The following BUB1 variants were observed in gnomAD, a reference collection of about 807,000 sequenced individuals.
BUB1 encodes the protein mitotic checkpoint serine/threonine-protein kinase BUB1.
In BUB1, 84 loss-of-function variants were observed where a neutral mutation model predicts 135.2. The ratio of observed to expected loss-of-function variants is 0.62; its 90% CI spans 0.52 to 0.74. The LOEUF is 0.74. Ranked by LOEUF, BUB1 falls within the 30% of genes least tolerant of loss-of-function variation. The pLI, the probability that BUB1 is intolerant of heterozygous loss-of-function variation, is 0.00. For synonymous variants in BUB1, 403 were observed against 434.4 expected (o/e 0.93, Z 0.90); for missense variants, 1,162 against 1,288.3 (o/e 0.90, Z 1.50).
chr2:110,664,064 A>G (rs1374539345), intron 9 of BUB1, among the ~76,000 whole-genome samples: 2 of 151,696 alleles, frequency 1.3e-5, no homozygotes, highest in Non-Finnish European at 2.9e-5. Flanking sequence ...TAAGATGGCC[A>G]TAAAAATTAA....
intron 1 of BUB1, 117 bp from the exon 2 acceptor site, chr2:110,674,482 T>A (rs1217967455): frequency 2.5e-6 from 2 of 812,252 alleles, no homozygotes; most frequent in Non-Finnish European, 4.0e-6. Flanking sequence ...TAAATATCAA[T>A]CATTTTATAT....
Position 110,650,561 on chromosome 2 carries a change from T to C in BUB1, c.2188A>G (p.Thr730Ala). The change falls in exon 18 of 25, where the codon ACT becomes GCT. Residue 730 changes from threonine (T) to alanine (A), a missense_variant. By Grantham distance (58) the Thr-to-Ala change is moderately conservative. Transcript: ENST00000302759. ...AEWMQMSSLGTVDAPNFIVGN... is the reference protein window; with the variant it reads ...AEWMQMSSLGAVDAPNFIVGN... Reference sequence around the variant, plus strand: ...GTGTTCGTACTTGGAGCATCAACAGTCCCAAGTGAACTCATCTGCATCCAT... The same window carrying C: ...GTGTTCGTACTTGGAGCATCAACAGCCCCAAGTGAACTCATCTGCATCCAT... 1 of 1,613,484 alleles carries C rather than the reference T, an allele frequency of 6.2e-7. No homozygotes were observed. The highest frequency in any genetic ancestry group is 1.1e-5 in the South Asian group (1 of 91,056).
intron 10 of BUB1, chr2:110,661,337 A>T: frequency 4.2e-6 from 2 of 477,640 alleles, no homozygotes; most frequent in Middle Eastern, 5.6e-4. Context: ...GTTGACTTTC[A>T]GGTACTGAAA....
chr2:110,674,672 T>C (rs1690523898), intron 1 of BUB1, among the ~76,000 whole-genome samples: 1 of 152,216 alleles, frequency 6.6e-6, no homozygotes, highest in Non-Finnish European at 1.5e-5. Flanking sequence ...CCAATGTCAC[T>C]ACCACCATGA....
intron 15 of BUB1, 88 bp downstream of exon 15, chr2:110,656,948 A>G: frequency 2.2e-6 from 2 of 905,038 alleles, no homozygotes; most frequent in East Asian, 2.5e-5. Context: ...TTTCACATAC[A>G]CAATATCCTC....
chr2:110,638,796 A>G (rs1194916456), intron 24 of BUB1, among the ~76,000 whole-genome samples: 4 of 152,380 alleles, frequency 2.6e-5, no homozygotes, highest in Middle Eastern at 6.8e-3. Flanking sequence ...AAGATGGAAT[A>G]AAGTATTTAC....
intron 9 of BUB1, among the ~76,000 whole-genome samples, chr2:110,663,805 G>T (rs1373846421): frequency 1.3e-5 from 2 of 152,186 alleles, no homozygotes; most frequent in Non-Finnish European, 2.9e-5. Context: ...AAGGTGGGCG[G>T]ATCACGAGGT....
chr2:110,667,527 G>A lies in BUB1; in HGVS notation c.799C>T (p.Gln267Ter), dbSNP rs765653448. 2 of 1,611,512 alleles carry A rather than the reference G, an allele frequency of 1.2e-6. No individual in the cohort carries two copies. Among genetic ancestry groups the A allele is most frequent in the African/African-American group, 2.7e-5 (2 of 74,768 alleles). The change falls in exon 8 of 25, where the codon CAA becomes TAA. Residue 267 changes from glutamine to a stop codon, truncating the protein, a stop_gained. Transcript: ENST00000302759. LOFTEE classifies it high-confidence loss of function. The stretch of plus-strand genomic sequence containing the variant: ...AATACAAGATTGCAAGTACCCCATT[G>A]CTCATGCTTTCTCCGTTGATTGTAT... The part of the protein sequence containing the change: ...QKYNQRRKHE[Q>*]WVNEDRHYMK...
intron 19 of BUB1, among the ~76,000 whole-genome samples, chr2:110,644,172 A>T (rs2104518287): frequency 6.6e-6 from 1 of 152,052 alleles, no homozygotes; most frequent in South Asian, 2.1e-4. Flanking sequence ...CAGAAGGAAG[A>T]AGGGAGAAAG....
At chr2:110,649,425 C>T in intron 18 of BUB1, 48 bp from the exon 19 acceptor site, 3 of 1,479,866 alleles carry the variant, frequency 2.0e-6, no homozygotes, top group Non-Finnish European at 9.0e-7. Context: ...GAATTGAGTA[C>T]TCAAGAACTT....
In BUB1 at chr2:110,661,829, G is replaced by T. The variant is rs200486519; in HGVS notation, c.970C>A (p.Arg324Ser). 323 of 1,614,012 alleles carry T rather than the reference G, an allele frequency of 2.0e-4. 1 individual carries two copies. Among genetic ancestry groups the T allele is most frequent in the Non-Finnish European group, 2.6e-4 (305 of 1,179,982 alleles). Residue 324 changes from arginine to serine, a missense_variant, in exon 10 of 25, where the codon CGT (arginine) becomes AGT (serine). Coordinates refer to ENST00000302759, the MANE Select transcript of BUB1 (RefSeq NM_004336.5). The part of the protein sequence containing the change: ...SQERSEVNPA[R>S]MGPSVGSQQE... ...TGGGAGCCTACACTTGGCCCCATAC[G>T]TGCTGGATTAACCTTTCATATTAAA...
intron 19 of BUB1, 83 bp downstream of exon 19, chr2:110,649,151 A>ACT: frequency 1.6e-6 from 2 of 1,237,382 alleles, no homozygotes; most frequent in South Asian, 3.3e-5. Flanking sequence ...GGAGAATCAC[A>ACT]CACACACACA....
chr2:110,649,467 G>C lies in BUB1; in HGVS notation c.2204-90C>G, dbSNP rs1040050756. ...ATAAATTATAGACAAAGTGAGTAGA[G>C]ATATTTACTAAGTAAGCTTTCAAAG... On this transcript the variant is annotated intron_variant, in intron 18 of 24. Transcript: ENST00000302759. 23 of 1,210,866 alleles carry C rather than the reference G, an allele frequency of 1.9e-5. No homozygotes were observed. In the East Asian group the frequency reaches 3.1e-4, roughly 16 times the overall value. The allele number at this position is 1,210,866 out of a possible 1,614,324, so 75.0% of individuals were successfully genotyped here. A position where few individuals can be genotyped will look rare whatever the true frequency, so the allele number is the denominator to read the frequency against.
intron 5 of BUB1, 112 bp downstream of exon 5, chr2:110,670,413 C>T (rs1201239345): frequency 1.6e-6 from 2 of 1,237,494 alleles, no homozygotes; most frequent in East Asian, 2.4e-5. Context: ...GCTGGGATTA[C>T]AGGTGTGAGC....
Position 110,641,425 on chromosome 2 carries a change from T to C in BUB1, c.2665A>G (p.Met889Val). 6.2e-7 allele frequency: 1 copy of C among 1,613,732 alleles called. No individual in the cohort carries two copies. Among genetic ancestry groups the C allele is most frequent in the Non-Finnish European group, 8.5e-7 (1 of 1,179,954 alleles). Residue 889 changes from methionine to valine, a missense_variant, in exon 22 of 25, where the codon ATG becomes GTG. Transcript: ENST00000302759. ...AAAGAGATGACAAGACCTTGAGGCA[T>C]CACTTTTTCAGGGGTATTTTTATAG... ...NLYKNTPEKV[M>V]PQGLVISFAM... is the part of the protein sequence containing the mutation.
intron 1 of BUB1, among the ~76,000 whole-genome samples, chr2:110,677,482 T>C (rs1163374490): frequency 6.6e-6 from 1 of 151,918 alleles, no homozygotes; most frequent in African/African-American, 2.4e-5. Context: ...AGCAAAGCTA[T>C]TTTTTTTCAA....
intron 1 of BUB1, among the ~76,000 whole-genome samples, chr2:110,676,351 T>C (rs1232322516): frequency 6.6e-6 from 1 of 152,158 alleles, no homozygotes; most frequent in African/African-American, 2.4e-5. Flanking sequence ...TGTGAAAAGA[T>C]TGTGTAGGTG....
intron 1 of BUB1, chr2:110,676,580 T>G (rs1008247962): frequency 6.6e-6 from 1 of 152,194 alleles, no homozygotes; most frequent in Non-Finnish European, 1.5e-5. Context: ...CAACAACCTG[T>G]GTTGACTGCT....
intron 5 of BUB1, among the ~76,000 whole-genome samples, chr2:110,670,059 T>C (rs563722573): frequency 6.6e-6 from 1 of 151,934 alleles, no homozygotes; most frequent in Non-Finnish European, 1.5e-5. Context: ...TAGTGGGCAT[T>C]ATGATGATCA....
Sources: allele counts gnomAD v4.1 joint callset (sites outside exome capture counted in the v4.1 genomes callset), GRCh38; gene constraint gnomAD v4.1.1; transcripts MANE v1.5; gene names NCBI Gene and HGNC (gene_info 2026-07-23, HGNC 2026-07-21).